The following HNRNPC variants were observed in gnomAD, a reference collection of about 807,000 sequenced individuals.
HNRNPC encodes heterogeneous nuclear ribonucleoprotein C.
A neutral mutation model predicts 33.2 loss-of-function variants in HNRNPC; 3 were observed. That is an observed-to-expected ratio of 0.09 (90% confidence interval 0.04 to 0.23). The LOEUF (loss-of-function observed/expected upper bound fraction) is 0.23, where lower values mean the gene tolerates loss of function less well. Among genes scored for constraint, HNRNPC ranks in the 10% least tolerant of loss-of-function variants. The pLI is 1.00. For synonymous variants in HNRNPC, 121 were observed against 126.7 expected (o/e 0.96, Z 0.30); for missense variants, 143 against 366.7 (o/e 0.39, Z 4.98).
Position 21,240,676 on chromosome 14 carries a change from G to A in HNRNPC, c.-36-6447C>T, listed in dbSNP as rs371185172. ...GTTCAGGTCACAGGAGATAGGTGCC[G>A]TTCAACCCAACTGTTTTCAGTATAT... On this transcript the variant is annotated intron_variant, in intron 2 of 8. Coordinates refer to ENST00000553300, the MANE Select transcript of HNRNPC (RefSeq NM_004500.4). Among the ~76,000 whole-genome samples the A allele has an allele frequency of 7.7e-4, 117 of 152,230 alleles. 2 individuals carry two copies. The highest frequency in any genetic ancestry group is 2.6e-3 in the African/African-American group (107 of 41,534).
rs550732867 is a variant in HNRNPC at position 21,223,073 on chromosome 14, A to AT, written c.365+7245dup. On this transcript the variant is annotated intron_variant, in intron 5 of 8. Transcript: ENST00000553300. ...CACAAAAAAAGAGCCCGGCGTGGTG[A>AT]TGCATGCCTGTAATCCCAGCTACTC... Among the ~76,000 whole-genome samples the AT allele has an allele frequency of 2.0e-3, 311 of 151,870 alleles. 4 individuals are homozygous for AT. Among genetic ancestry groups the AT allele is most frequent in the African/African-American group, 7.3e-3 (304 of 41,376 alleles).
intron 2 of HNRNPC, among the ~76,000 whole-genome samples, chr14:21,238,776 C>T (rs377694942): frequency 3.3e-5 from 5 of 151,936 alleles, no homozygotes; most frequent in African/African-American, 1.2e-4. Flanking sequence ...ATGTAATAGT[C>T]GAATAATGCT....
intron 3 of HNRNPC, 49 bp from the exon 4 acceptor site, chr14:21,231,121 AACAAACT>A: frequency 6.5e-7 from 1 of 1,538,112 alleles, no homozygotes; most frequent in Non-Finnish European, 9.0e-7. Context: ...ATCCGGGTAA[AACAAACT>A]ACAAAGTTTA....
chr14:21,260,370 A>T (rs8011151), intron 2 of HNRNPC, among the ~76,000 whole-genome samples: 796 of 70,714 alleles, frequency 0.011, 4 homozygotes, highest in African/African-American at 0.048. Context: ...CGTCTTATTT[A>T]AAAAAAAAAA....
intron 3 of HNRNPC, among the ~76,000 whole-genome samples, chr14:21,233,542 A>AT (rs1894345534): frequency 6.6e-6 from 1 of 152,212 alleles, no homozygotes; most frequent in Non-Finnish European, 1.5e-5. Context: ...GTGTCATTAC[A>AT]TTTTAAAATA....
At chr14:21,260,715 A>C (rs961409803) in intron 2 of HNRNPC, among the ~76,000 whole-genome samples, 1 of 152,106 alleles carries the variant, frequency 6.6e-6, no homozygotes, top group African/African-American at 2.4e-5. Flanking sequence ...CTGTAATTCC[A>C]GCACTTTGGG....
At chr14:21,216,421 T>C (rs1892193832) in intron 5 of HNRNPC, among the ~76,000 whole-genome samples, 1 of 152,072 alleles carries the variant, frequency 6.6e-6, no homozygotes, top group African/African-American at 2.4e-5. Context: ...TGAAATAATC[T>C]GTTTTGCCGG....
chr14:21,220,979 C>T (rs8009026), intron 5 of HNRNPC, among the ~76,000 whole-genome samples: 4 of 152,002 alleles, frequency 2.6e-5, no homozygotes, highest in African/African-American at 4.8e-5. Flanking sequence ...CAGGAACTCA[C>T]AAGAGGCTAA....
At chr14:21,253,448 C>G (rs1293478417) in intron 2 of HNRNPC, among the ~76,000 whole-genome samples, 1 of 119,390 alleles carries the variant, frequency 8.4e-6, no homozygotes, top group African/African-American at 3.3e-5. Context: ...ACTCCAACCT[C>G]TAGACTCCAT....
chr14:21,236,302 T>C (rs1256609170), intron 2 of HNRNPC: 1 of 152,184 alleles, frequency 6.6e-6, no homozygotes, highest in Non-Finnish European at 1.5e-5. Context: ...AATCATCAAC[T>C]ACTTATTTTT....
intron 1 of HNRNPC, chr14:21,268,487 C>T (rs1425682376): frequency 6.6e-6 from 1 of 152,166 alleles, no homozygotes; most frequent in Non-Finnish European, 1.5e-5. Context: ...ACTAGGTATT[C>T]CATTAACTAG....
At chr14:21,261,359 C>G (rs1039753684) in intron 2 of HNRNPC, among the ~76,000 whole-genome samples, 1 of 152,012 alleles carries the variant, frequency 6.6e-6, no homozygotes, top group Non-Finnish European at 1.5e-5. Context: ...CTGACAGCAG[C>G]AAAGAAGAAA....
intron 5 of HNRNPC, among the ~76,000 whole-genome samples, chr14:21,225,249 C>T (rs1893286985): frequency 6.6e-6 from 1 of 151,100 alleles, no homozygotes; most frequent in South Asian, 2.1e-4. Flanking sequence ...GGTGAAACCC[C>T]GTCTCTACTA....
intron 2 of HNRNPC, chr14:21,234,841 GAT>G: frequency 6.6e-6 from 1 of 152,070 alleles, no homozygotes; most frequent in Non-Finnish European, 1.5e-5. Context: ...CCTATTTCCA[GAT>G]ACTTCAATTA....
chr14:21,259,156 G>A (rs1877744450), intron 2 of HNRNPC, among the ~76,000 whole-genome samples: 1 of 152,012 alleles, frequency 6.6e-6, no homozygotes, highest in Non-Finnish European at 1.5e-5. Context: ...TTACTTGGAG[G>A]CCAAGTCTTG....
At chr14:21,264,962 A>G (rs1878740528) in intron 1 of HNRNPC, 1 of 152,154 alleles carries the variant, frequency 6.6e-6, no homozygotes, top group Non-Finnish European at 1.5e-5. Flanking sequence ...GGCTGCAGTG[A>G]GCTCTGATCA....
intron 2 of HNRNPC, among the ~76,000 whole-genome samples, chr14:21,253,123 G>A (rs1359283279): frequency 3.3e-5 from 5 of 150,174 alleles, no homozygotes; most frequent in South Asian, 2.1e-4. Context: ...GCAGTGAGCC[G>A]GGATCGCACC....
chr14:21,210,781 G>A lies in HNRNPC; in HGVS notation c.*442C>T, dbSNP rs1312806887. ...GCCCCACACAGCACACTAATGTGAG[G>A]GTGTAACACACATACTTCTAACTCA... is the stretch of plus-strand genomic sequence containing the variant. On this transcript the variant is annotated 3_prime_UTR_variant, in exon 9 of 9. Transcript: ENST00000553300. 1 of 171,954 alleles carries A rather than the reference G, an allele frequency of 5.8e-6. No individual in the cohort carries two copies. Among genetic ancestry groups the A allele is most frequent in the Non-Finnish European group, 1.3e-5 (1 of 79,090 alleles). 10.7% of individuals were successfully genotyped at this position (171,954 alleles called of 1,614,324 possible).
chr14:21,213,049 C>T lies in HNRNPC; in HGVS notation c.434G>A (p.Arg145His), dbSNP rs1891787786. Residue 145 changes from arginine to histidine, a missense_variant, in exon 6 of 9, where the codon CGT becomes CAT. Coordinates refer to ENST00000553300, the MANE Select transcript of HNRNPC (RefSeq NM_004500.4). ...TGAAGTGTTTCCTGATACACGCTGA[C>T]GTTTCGAGGGCACTACAGCCCGAGC... ...PIARAVVPSK[R>H]QRVSGNTSRR... is the part of the protein sequence containing the mutation. 1.2e-6 allele frequency: 2 copies of T among 1,613,948 alleles called. No homozygotes were observed. Among genetic ancestry groups the T allele is most frequent in the Non-Finnish European group, 1.7e-6 (2 of 1,179,876 alleles).
Sources: allele counts gnomAD v4.1 joint callset (sites outside exome capture counted in the v4.1 genomes callset), GRCh38; gene constraint gnomAD v4.1.1; transcripts MANE v1.5; gene names NCBI Gene and HGNC (gene_info 2026-07-23, HGNC 2026-07-21).